The following KHDRBS3 variants were observed in gnomAD, a reference collection of about 807,000 sequenced individuals.
KHDRBS3 encodes KH RNA binding domain containing, signal transduction associated 3.
KHDRBS3 carries 23 observed loss-of-function variants against 45.6 expected under a neutral mutation model. The observed-to-expected ratio is 0.50, with a 90% CI of 0.36 to 0.72. The LOEUF (loss-of-function observed/expected upper bound fraction) is 0.72, where lower values mean the gene tolerates loss of function less well. Ranked by LOEUF, KHDRBS3 falls within the 30% of genes least tolerant of loss-of-function variation. The pLI, the probability that KHDRBS3 is intolerant of heterozygous loss-of-function variation, is 0.00. For missense variants in KHDRBS3, 352 were observed against 424.8 expected, an observed-to-expected ratio of 0.83 and a Z score of 1.51; for synonymous variants, 162 against 156.5, an observed-to-expected ratio of 1.04 and a Z score of -0.26.
At chr8:135,607,091 A>G in intron 7 of KHDRBS3, 54 bp downstream of exon 7, 4 of 1,358,378 alleles carry the variant, frequency 2.9e-6, no homozygotes, top group Middle Eastern at 1.8e-4. Flanking sequence ...CCCCTTCCAC[A>G]TTCATATATT....
chr8:135,575,516 G>A lies in KHDRBS3; in HGVS notation c.612-6362G>A, dbSNP rs138296791. On this transcript the variant is annotated intron_variant, in intron 5 of 8. Coordinates refer to ENST00000355849, the MANE Select transcript of KHDRBS3 (RefSeq NM_006558.3). ...TCCTATGCAGGAAGAAGAAAAGAGT[G>A]AAAGGGAAAAGAGAACGCCAACTAT... is the stretch of plus-strand genomic sequence containing the variant. Among the ~76,000 whole-genome samples the A allele has an allele frequency of 2.6e-4, 40 of 152,318 alleles. 1 individual carries two copies. In the East Asian group the frequency reaches 7.7e-3, roughly 29 times the overall value.
At chr8:135,551,952 T>C (rs1008926352) in intron 4 of KHDRBS3, among the ~76,000 whole-genome samples, 5 of 152,212 alleles carry the variant, frequency 3.3e-5, no homozygotes, top group Non-Finnish European at 5.9e-5. Flanking sequence ...GTTTTTTGTT[T>C]CTCCAGCACT....
intron 7 of KHDRBS3, among the ~76,000 whole-genome samples, chr8:135,614,791 C>T (rs972403754): frequency 7.2e-5 from 11 of 151,732 alleles, no homozygotes; most frequent in East Asian, 3.8e-4. Context: ...TATTTGGTGA[C>T]GCTTGTTAAA....
chr8:135,557,874 A>C (rs991720500), intron 5 of KHDRBS3, among the ~76,000 whole-genome samples: 1 of 152,190 alleles, frequency 6.6e-6, no homozygotes, highest in Non-Finnish European at 1.5e-5. Flanking sequence ...TGGTCAAACA[A>C]TGTGATGTCA....
chr8:135,560,610 G>A (rs1034831688), intron 5 of KHDRBS3, among the ~76,000 whole-genome samples: 1 of 152,154 alleles, frequency 6.6e-6, no homozygotes, highest in Non-Finnish European at 1.5e-5. Context: ...AACAGAGGAG[G>A]AAGACAGAAG....
intron 3 of KHDRBS3, among the ~76,000 whole-genome samples, chr8:135,546,746 A>G (rs1454286828): frequency 6.6e-6 from 1 of 152,172 alleles, no homozygotes; most frequent in East Asian, 1.9e-4. Context: ...GGGTAATGTA[A>G]TCTGCCCAAG....
intron 7 of KHDRBS3, among the ~76,000 whole-genome samples, chr8:135,622,467 G>T (rs927355206): frequency 5.3e-5 from 8 of 152,254 alleles, no homozygotes; most frequent in Admixed American, 5.2e-4. Flanking sequence ...ACCATTTGCT[G>T]CCCTAACATT....
chr8:135,476,748 C>T (rs1180937818), intron 1 of KHDRBS3, among the ~76,000 whole-genome samples: 1 of 152,154 alleles, frequency 6.6e-6, no homozygotes, highest in East Asian at 1.9e-4. Context: ...GGTTTCAAGG[C>T]TCTGTAGCTC....
In KHDRBS3 at chr8:135,606,964, G is replaced by A; in HGVS notation, c.817G>A (p.Asp273Asn). ...TCCTGTTATGTTTTAGGACTATGAT[G>A]ATGGATATGGCACTGCTTATGATGA... is the stretch of plus-strand genomic sequence containing the variant. ...QETYGEYDYD[D>N]GYGTAYDEQS... The change falls in exon 7 of 9, where the codon GAT (aspartate) becomes AAT (asparagine). Residue 273 changes from aspartate (D) to asparagine (N), a missense_variant. Around this residue, in one of 6 missense-constraint regions of KHDRBS3, gnomAD observed 212 missense variants for 209.6 expected, o/e 1.01. Coordinates refer to ENST00000355849, the MANE Select transcript of KHDRBS3 (RefSeq NM_006558.3). The A allele has an allele frequency of 6.2e-7, 1 of 1,612,438 alleles. No homozygotes were observed. The highest frequency in any genetic ancestry group is 8.5e-7 in the Non-Finnish European group (1 of 1,178,814).
intron 1 of KHDRBS3, among the ~76,000 whole-genome samples, chr8:135,512,436 G>GGGGGT (rs1554620166): frequency 7.7e-6 from 1 of 129,980 alleles, no homozygotes; most frequent in African/African-American, 2.9e-5. Context: ...AGTCGGGGGG[G>GGGGGT]GGGTAATAAC....
At chr8:135,592,924 C>A (rs1417966088) in intron 6 of KHDRBS3, among the ~76,000 whole-genome samples, 2 of 151,986 alleles carry the variant, frequency 1.3e-5, no homozygotes, top group Non-Finnish European at 2.9e-5. Context: ...CTTGGTGGGC[C>A]TCGGTGTCTC....
At chr8:135,527,906 A>G (rs977105744) in intron 2 of KHDRBS3, among the ~76,000 whole-genome samples, 3 of 152,178 alleles carry the variant, frequency 2.0e-5, no homozygotes, top group African/African-American at 7.2e-5. Context: ...CTGTACATGA[A>G]TGTTTTAATA....
intron 8 of KHDRBS3, among the ~76,000 whole-genome samples, chr8:135,646,554 T>C (rs1831296426): frequency 6.6e-6 from 1 of 152,228 alleles, no homozygotes; most frequent in Admixed American, 6.5e-5. Context: ...TTTTCTTCTT[T>C]GTCTTCACAG....
At chr8:135,489,090 T>C (rs1245515725) in intron 1 of KHDRBS3, among the ~76,000 whole-genome samples, 1 of 152,324 alleles carries the variant, frequency 6.6e-6, no homozygotes, top group African/African-American at 2.4e-5. Context: ...TTAGTGTGAT[T>C]AATATTTTTA....
chr8:135,586,741 A>G (rs573217788), intron 6 of KHDRBS3, among the ~76,000 whole-genome samples: 2 of 152,336 alleles, frequency 1.3e-5, no homozygotes, highest in Admixed American at 6.5e-5. Context: ...TTTGATTTCT[A>G]TACAATGTGT....
At chr8:135,643,559 T>G (rs1215249122) in intron 7 of KHDRBS3, among the ~76,000 whole-genome samples, 1 of 152,236 alleles carries the variant, frequency 6.6e-6, no homozygotes, top group South Asian at 2.1e-4. Context: ...TAAAAACTCA[T>G]GCCCACATGT....
intron 6 of KHDRBS3, among the ~76,000 whole-genome samples, chr8:135,583,935 T>G (rs1828333419): frequency 6.6e-6 from 1 of 152,210 alleles, no homozygotes; most frequent in South Asian, 2.1e-4. Context: ...ATTGTTTTAT[T>G]TATTTTTTAT....
chr8:135,515,235 G>A (rs1824516267), intron 1 of KHDRBS3, among the ~76,000 whole-genome samples: 1 of 151,582 alleles, frequency 6.6e-6, no homozygotes, highest in African/African-American at 2.4e-5. Flanking sequence ...GCGTGGTGGC[G>A]GGCGCCTGTG....
intron 7 of KHDRBS3, among the ~76,000 whole-genome samples, chr8:135,629,963 C>T (rs62525216): frequency 2.5e-3 from 376 of 152,280 alleles, no homozygotes; most frequent in Non-Finnish European, 4.4e-3. Context: ...AAACACCTCC[C>T]GAGGGGAAAC....
Sources: gnomAD v4.1 joint callset for allele counts (sites outside exome capture counted in the v4.1 genomes callset) on GRCh38, gnomAD v4.1.1 for gene constraint, gnomAD v4.1.1 regional missense constraint, MANE v1.5 for transcripts, NCBI Gene and HGNC (gene_info 2026-07-23, HGNC 2026-07-21) for gene names.